The following BRINP1 variants were observed in gnomAD, a reference collection of about 807,000 sequenced individuals.
BRINP1 encodes BMP/retinoic acid-inducible neural-specific protein 1.
BRINP1 carries 17 observed loss-of-function variants against 72.9 expected under a neutral mutation model. The observed-to-expected ratio is 0.23, with a 90% CI of 0.16 to 0.35. The LOEUF is 0.35. Ranked by LOEUF, BRINP1 falls within the 10% of genes least tolerant of loss-of-function variation. BRINP1 has a pLI of 1.00. For missense variants in BRINP1, 850 were observed against 1,001.6 expected, an observed-to-expected ratio of 0.85 and a Z score of 2.04; for synonymous variants, 418 against 378.5, an observed-to-expected ratio of 1.10 and a Z score of -1.21.
chr9:119,362,574 C>T (rs1425876806), intron 1 of BRINP1, among the ~76,000 whole-genome samples: 1 of 152,172 alleles, frequency 6.6e-6, no homozygotes, highest in African/African-American at 2.4e-5. Flanking sequence ...AAAGCCTTTC[C>T]ACGACAAGAT....
chr9:119,263,668 T>C (rs987838000), intron 2 of BRINP1, among the ~76,000 whole-genome samples: 11 of 136,902 alleles, frequency 8.0e-5, no homozygotes, highest in Non-Finnish European at 1.7e-4. Flanking sequence ...AGTGCAGTGG[T>C]GCGATCTCTG....
At chr9:119,201,119 G>A (rs1328014881) in intron 7 of BRINP1, among the ~76,000 whole-genome samples, 1 of 152,184 alleles carries the variant, frequency 6.6e-6, no homozygotes, top group East Asian at 1.9e-4. Flanking sequence ...AAACAGGGAT[G>A]TGACAAGATT....
intron 2 of BRINP1, among the ~76,000 whole-genome samples, chr9:119,259,726 G>T (rs1411401263): frequency 6.6e-6 from 1 of 152,068 alleles, no homozygotes; most frequent in Non-Finnish European, 1.5e-5. Flanking sequence ...GAGTGTCTTT[G>T]TCACTGACTT....
At chr9:119,199,581 C>A (rs1829782315) in intron 7 of BRINP1, among the ~76,000 whole-genome samples, 1 of 152,100 alleles carries the variant, frequency 6.6e-6, no homozygotes, top group Non-Finnish European at 1.5e-5. Context: ...AATCAAAGAC[C>A]AAGCATCATC....
intron 5 of BRINP1, among the ~76,000 whole-genome samples, chr9:119,230,761 C>T (rs1368320855): frequency 6.6e-6 from 1 of 151,698 alleles, no homozygotes; most frequent in Non-Finnish European, 1.5e-5. Context: ...GATTTAAGAC[C>T]AAGAAACCAG....
At chr9:119,334,815 T>G (rs1161859678) in intron 1 of BRINP1, among the ~76,000 whole-genome samples, 1 of 152,004 alleles carries the variant, frequency 6.6e-6, no homozygotes, top group East Asian at 1.9e-4. Context: ...GAGAGAATCA[T>G]GCTCAATCTT....
In BRINP1 at chr9:119,168,116, G is replaced by A. The variant is rs201987981; in HGVS notation, c.1254C>T (p.Ser418=). ...GGATGGGGCGCTGGCACAGCGTGGT[G>A]CTGCCGTGGCACACGCAGCTCCGCT... ...ESQRSCVCHG[S]TTLCQRPIPC... is the part of the protein sequence containing the mutation. Residue 418 remains serine (S), a synonymous_variant, in exon 8 of 8, where the codon AGC becomes AGT. Transcript: ENST00000265922. The A allele has an allele frequency of 2.6e-5, 42 of 1,607,420 alleles. No individual in the cohort carries two copies. In the East Asian group the frequency reaches 9.2e-4, roughly 35 times the overall value.
intron 1 of BRINP1, among the ~76,000 whole-genome samples, chr9:119,345,314 A>G (rs569349797): frequency 1.3e-5 from 2 of 152,294 alleles, no homozygotes; most frequent in East Asian, 3.9e-4. Flanking sequence ...GGTCTTCATC[A>G]TGGTAACAAA....
At chr9:119,352,047 C>T (rs1190327386) in intron 1 of BRINP1, among the ~76,000 whole-genome samples, 1 of 152,098 alleles carries the variant, frequency 6.6e-6, no homozygotes, top group Non-Finnish European at 1.5e-5. Flanking sequence ...ATCCTTCTGC[C>T]TCAGCCTCCG....
intron 7 of BRINP1, among the ~76,000 whole-genome samples, chr9:119,172,028 C>G (rs1829417109): frequency 7.5e-6 from 1 of 133,554 alleles, no homozygotes; most frequent in South Asian, 2.5e-4. Context: ...CAAGAGAAAG[C>G]AGGAAAGATC....
chr9:119,268,289 T>TAGATAGATAGACAGAC lies in BRINP1; in HGVS notation c.219-19140_219-19139insGTCTGTCTATCTATCT, dbSNP rs1554752353. Among the ~76,000 whole-genome samples, 279 of 148,706 alleles carry TAGATAGATAGACAGAC rather than the reference T, an allele frequency of 1.9e-3. 1 individual carries two copies. Among genetic ancestry groups the TAGATAGATAGACAGAC allele is most frequent in the African/African-American group, 5.3e-3 (219 of 41,176 alleles). Reference sequence around the variant, plus strand: ...ATAGATAGATAGATAGATAGATAGATAGATAGATAGATAAAAGTGTTTTTG... The same window carrying TAGATAGATAGACAGAC: ...ATAGATAGATAGATAGATAGATAGATAGATAGATAGACAGACAGATAGATAGATAAAAGTGTTTTTG... On this transcript the variant is annotated intron_variant, in intron 2 of 7. Coordinates refer to ENST00000265922, the MANE Select transcript of BRINP1 (RefSeq NM_014618.3).
chr9:119,290,959 C>A (rs977669128), intron 2 of BRINP1, among the ~76,000 whole-genome samples: 1 of 151,914 alleles, frequency 6.6e-6, no homozygotes, highest in African/African-American at 2.4e-5. Flanking sequence ...TCCGTCTCTA[C>A]CAAAAATACA....
At chr9:119,310,749 G>A (rs185826053) in intron 2 of BRINP1, among the ~76,000 whole-genome samples, 4 of 152,148 alleles carry the variant, frequency 2.6e-5, no homozygotes, top group Admixed American at 1.3e-4. Flanking sequence ...AGTTTGTAAC[G>A]TGCCGTGTCC....
intron 5 of BRINP1, among the ~76,000 whole-genome samples, chr9:119,224,818 C>G (rs1480016018): frequency 6.6e-6 from 1 of 152,012 alleles, no homozygotes; most frequent in African/African-American, 2.4e-5. Context: ...CAAAGCAAAT[C>G]ACATGGACAA....
rs554849348 is a variant in BRINP1 at position 119,187,062 on chromosome 9, G to C, written c.1146-18838C>G. Among the ~76,000 whole-genome samples the C allele has an allele frequency of 8.5e-5, 13 of 152,088 alleles. No homozygotes were observed. In the East Asian group the frequency reaches 2.5e-3, roughly 30 times the overall value. ...CAGTGTCCTGACACCCAGGATCAGAGTCACGGTTACATCGCTGCCATCTGG... is the reference window on the plus strand; with the variant it reads ...CAGTGTCCTGACACCCAGGATCAGACTCACGGTTACATCGCTGCCATCTGG... On this transcript the variant is annotated intron_variant, in intron 7 of 7. Coordinates refer to ENST00000265922, the MANE Select transcript of BRINP1 (RefSeq NM_014618.3).
In BRINP1 at chr9:119,368,207, C is replaced by A. The variant is rs577260820; in HGVS notation, c.-51+849G>T. ...TGCAAACGGGGATGCAGGGTAAATC[C>A]CTATCCCAGACTTTCCAAGCCCCAG... On this transcript the variant is annotated intron_variant, in intron 1 of 7. Coordinates refer to ENST00000265922, the MANE Select transcript of BRINP1 (RefSeq NM_014618.3). This position sits in a 1 kb window ranked among gnomAD's most constrained non-coding sequence, Gnocchi z 4.7. Among the ~76,000 whole-genome samples, 2 of 152,176 alleles carry A rather than the reference C, an allele frequency of 1.3e-5. No individual in the cohort carries two copies. Among genetic ancestry groups the A allele is most frequent in the African/African-American group, 4.8e-5 (2 of 41,446 alleles).
intron 1 of BRINP1, among the ~76,000 whole-genome samples, chr9:119,336,350 G>A (rs138234227): frequency 6.6e-5 from 10 of 152,262 alleles, no homozygotes; most frequent in South Asian, 6.2e-4. Context: ...TCCTACATAC[G>A]TTGATTTATT....
In BRINP1 at chr9:119,369,057, T is replaced by A. The variant is rs1047566592; in HGVS notation, c.-52A>T. ...GCGCTGCACCCGGCGCCGCCTTACC[T>A]GGAGTCAATGTCCGTCTTTGGCGGA... On this transcript the variant is annotated splice_region_variant and 5_prime_UTR_variant, in exon 1 of 8. Transcript: ENST00000265922. 8 of 394,864 alleles carry A rather than the reference T, an allele frequency of 2.0e-5. No individual in the cohort carries two copies. Among genetic ancestry groups the A allele is most frequent in the Admixed American group, 1.8e-4 (4 of 22,620 alleles). The allele number at this position is 394,864 out of a possible 1,614,324, so 24.5% of individuals were successfully genotyped here.
chr9:119,322,653 C>T (rs927112248), intron 1 of BRINP1, among the ~76,000 whole-genome samples: 3 of 152,210 alleles, frequency 2.0e-5, no homozygotes, highest in Non-Finnish European at 2.9e-5. Context: ...GGCTGATGAT[C>T]GCATCTGGGA....
Sources: gnomAD v4.1 joint callset for allele counts (sites outside exome capture counted in the v4.1 genomes callset) on GRCh38, gnomAD v4.1.1 for gene constraint, Gnocchi (gnomAD v3.1) non-coding constraint, MANE v1.5 for transcripts, NCBI Gene and HGNC (gene_info 2026-07-23, HGNC 2026-07-21) for gene names.